Variants in BUD13 observed in about 807,000 individuals in gnomAD.
BUD13 encodes BUD13 spliceosome associated protein, also known as BUD13 homolog.
BUD13 carries 47 observed loss-of-function variants against 62.5 expected under a neutral mutation model. That is an observed-to-expected ratio of 0.75 (90% CI 0.60 to 0.96). BUD13 has a LOEUF of 0.96. BUD13 is among the 40% of genes least tolerant of loss of function. The pLI is 0.00. For synonymous variants in BUD13, 293 were observed against 280.1 expected (o/e 1.05, Z -0.46); for missense variants, 821 against 790.9 (o/e 1.04, Z -0.46).
chr11:116,772,456 C>T (rs994810819), intron 1 of BUD13, among the ~76,000 whole-genome samples: 12 of 152,200 alleles, frequency 7.9e-5, no homozygotes, highest in African/African-American at 2.9e-4. Flanking sequence ...GGAATCCCCA[C>T]AGGCAGGTAC....
At chr11:116,759,326 G>A in intron 5 of BUD13, 147 bp from the exon 6 acceptor site, 3 of 576,078 alleles carry the variant, frequency 5.2e-6, no homozygotes, top group Non-Finnish European at 9.4e-6. Context: ...ATTACCATAG[G>A]ATTCAAAAAC....
At chr11:116,770,865 C>T (rs1394439510) in intron 1 of BUD13, among the ~76,000 whole-genome samples, 16 of 152,126 alleles carry the variant, frequency 1.1e-4, no homozygotes. Flanking sequence ...ACCATCATGG[C>T]TCCCTGCAGC....
At chr11:116,769,244 A>G (rs1427783721) in intron 2 of BUD13, among the ~76,000 whole-genome samples, 2 of 152,116 alleles carry the variant, frequency 1.3e-5, no homozygotes, top group Non-Finnish European at 2.9e-5. Context: ...ATCTTTCAGG[A>G]TATCTCCCAA....
At chr11:116,755,629 C>T (rs1385188640) in intron 9 of BUD13, among the ~76,000 whole-genome samples, 1 of 152,142 alleles carries the variant, frequency 6.6e-6, no homozygotes, top group Non-Finnish European at 1.5e-5. Context: ...TTCTATACTT[C>T]AACTGAACAA....
intron 9 of BUD13, among the ~76,000 whole-genome samples, chr11:116,751,630 C>CA (rs1188025430): frequency 1.9e-4 from 27 of 144,846 alleles, no homozygotes; most frequent in African/African-American, 2.3e-4. Context: ...AATTCCGTCT[C>CA]AAAAAAAAAA....
chr11:116,757,794 A>C lies in BUD13; in HGVS notation c.1656T>G (p.Asn552Lys). The change falls in exon 8 of 10, where the codon AAT becomes AAG. Residue 552 changes from asparagine to lysine, a missense_variant. Around this residue, in one of 2 missense-constraint regions of BUD13, gnomAD observed 800 missense variants for 739.2 expected, o/e 1.08. Coordinates refer to ENST00000260210, the MANE Select transcript of BUD13 (RefSeq NM_032725.4). ...GDPMANFIKK[N>K]KAKENKNKKV... ...TTTTATTCTTGTTCTCCTTGGCCTT[A>C]TTCTTCTTGATGAAGTTGGCCATAG... 1.2e-6 allele frequency: 2 copies of C among 1,613,522 alleles called. No homozygotes were observed. The highest frequency in any genetic ancestry group is 1.7e-6 in the Non-Finnish European group (2 of 1,179,856).
intron 9 of BUD13, among the ~76,000 whole-genome samples, chr11:116,756,592 A>C (rs1187499018): frequency 2.0e-5 from 3 of 152,230 alleles, no homozygotes; most frequent in Non-Finnish European, 4.4e-5. Context: ...AATGTCCTTT[A>C]GTAGGCAAGA....
At chr11:116,757,339 A>G in intron 8 of BUD13, 112 bp from the exon 9 acceptor site, 1 of 951,336 alleles carries the variant, frequency 1.1e-6, no homozygotes, top group Non-Finnish European at 1.6e-6. Context: ...TCTGTTGCCC[A>G]GGCTGGAGTA....
intron 1 of BUD13, among the ~76,000 whole-genome samples, chr11:116,770,899 T>C (rs1431106646): frequency 6.6e-6 from 1 of 152,120 alleles, no homozygotes; most frequent in Non-Finnish European, 1.5e-5. Flanking sequence ...GGTTAAGTTA[T>C]TCTCCCTACT....
intron 2 of BUD13, among the ~76,000 whole-genome samples, chr11:116,768,971 T>C (rs1250913620): frequency 7.6e-6 from 1 of 132,184 alleles, no homozygotes; most frequent in Non-Finnish European, 1.5e-5. Context: ...GCCGAGATCA[T>C]ACCACTACAC....
intron 9 of BUD13, among the ~76,000 whole-genome samples, chr11:116,750,326 C>T (rs1940211265): frequency 1.3e-5 from 2 of 152,182 alleles, no homozygotes; most frequent in Admixed American, 1.3e-4. Flanking sequence ...GAGTGGACCT[C>T]AAATCCCTTT....
intron 2 of BUD13, among the ~76,000 whole-genome samples, chr11:116,766,875 A>G (rs1256167016): frequency 6.6e-6 from 1 of 152,210 alleles, no homozygotes; most frequent in African/African-American, 2.4e-5. Context: ...TTGGGCCATC[A>G]TAAAAGCAAG....
intron 3 of BUD13, among the ~76,000 whole-genome samples, chr11:116,764,391 G>A (rs1158452896): frequency 6.6e-6 from 1 of 152,178 alleles, no homozygotes; most frequent in African/African-American, 2.4e-5. Context: ...TCTGTGGGGG[G>A]CCTAACAGTA....
intron 4 of BUD13, among the ~76,000 whole-genome samples, 186 bp from the exon 5 acceptor site, chr11:116,761,138 G>A (rs1370507105): frequency 1.3e-5 from 2 of 151,554 alleles, no homozygotes; most frequent in Admixed American, 6.6e-5. Flanking sequence ...TGCAACCTCC[G>A]CCTCCTGGGT....
At chr11:116,748,645 G>A in intron 9 of BUD13, 70 bp from the exon 10 acceptor site, 1 of 1,432,760 alleles carries the variant, frequency 7.0e-7, no homozygotes, top group Non-Finnish European at 9.8e-7. Context: ...AGAAAGGGAA[G>A]AGTTCACAAT....
rs746902593 is a variant in BUD13 at position 116,763,237 on chromosome 11, G to A, written c.352C>T (p.His118Tyr). Residue 118 changes from histidine (H) to tyrosine (Y), a missense_variant, in exon 4 of 10, where the codon CAT becomes TAT. By Grantham distance (83) the His-to-Tyr change is moderately conservative. Coordinates refer to ENST00000260210, the MANE Select transcript of BUD13 (RefSeq NM_032725.4). ...GAATCCGGGGTATCGTGACGAAAAT[G>A]TCTGTTTGAGGGTAGGTCTTCGTTG... Reference protein sequence around the residue: ...GHNEDLPSNRHFRHDTPDSSP... With the variant: ...GHNEDLPSNRYFRHDTPDSSP... 6.5e-7 allele frequency: 1 copy of A among 1,546,086 alleles called. No homozygotes were observed. Among genetic ancestry groups the A allele is most frequent in the Non-Finnish European group, 8.7e-7 (1 of 1,146,854 alleles).
chr11:116,757,090 G>C (rs1052501728), intron 9 of BUD13, 56 bp downstream of exon 9: 4 of 1,510,172 alleles, frequency 2.6e-6, no homozygotes, highest in Non-Finnish European at 3.7e-6. Flanking sequence ...AGCAACTTAC[G>C]AGTGGTTAGG....
chr11:116,762,548 C>T lies in BUD13; in HGVS notation c.1036+5G>A. On this transcript the variant is annotated splice_donor_5th_base_variant and intron_variant, in intron 4 of 9. Transcript: ENST00000260210. ...CATCCCTCTCATGGACAGTCATATG[C>T]TCACCTTTGGAATCAAGCTGCTTCT... 1 of 1,598,128 alleles carries T rather than the reference C, an allele frequency of 6.3e-7. No individual in the cohort carries two copies. Among genetic ancestry groups the T allele is most frequent in the Non-Finnish European group, 8.5e-7 (1 of 1,171,098 alleles).
At chr11:116,752,913 AC>A (rs904930599) in intron 9 of BUD13, among the ~76,000 whole-genome samples, 2 of 152,142 alleles carry the variant, frequency 1.3e-5, no homozygotes, top group Non-Finnish European at 2.9e-5. Context: ...CTACAGACAC[AC>A]GCCACCACAC....
Sources: allele counts gnomAD v4.1 joint callset (sites outside exome capture counted in the v4.1 genomes callset), GRCh38; gene constraint gnomAD v4.1.1; regional missense constraint gnomAD v4.1.1; transcripts MANE v1.5; gene names NCBI Gene and HGNC (gene_info 2026-07-23, HGNC 2026-07-21).